The following IFT140 variants were observed in gnomAD, a reference collection of about 807,000 sequenced individuals.
IFT140 encodes the protein intraflagellar transport protein 140 homolog.
IFT140 carries 133 observed loss-of-function variants against 164.6 expected under a neutral mutation model. The observed-to-expected ratio is 0.81, with a 90% CI of 0.70 to 0.93. IFT140 has a LOEUF of 0.93. Among genes scored for constraint, IFT140 ranks in the 40% least tolerant of loss-of-function variants. The pLI is 0.00. For missense variants in IFT140, 2,045 were observed against 1,972.3 expected, an observed-to-expected ratio of 1.04 and a Z score of -0.70; for synonymous variants, 860 against 817.3, an observed-to-expected ratio of 1.05 and a Z score of -0.89.
At chr16:1,544,151 G>A (rs1264967663) in intron 19 of IFT140, among the ~76,000 whole-genome samples, 1 of 150,256 alleles carries the variant, frequency 6.7e-6, no homozygotes, top group Non-Finnish European at 1.5e-5. Flanking sequence ...CCGTGTAGGT[G>A]GGATTGCAGG....
intron 19 of IFT140, among the ~76,000 whole-genome samples, chr16:1,537,852 C>G (rs1193982135): frequency 6.6e-6 from 1 of 152,208 alleles, no homozygotes; most frequent in Non-Finnish European, 1.5e-5. Context: ...GGTGGCTCCA[C>G]GTGGCTCCGT....
At chr16:1,589,375 C>T (rs1567409778) in intron 7 of IFT140, among the ~76,000 whole-genome samples, 1 of 152,328 alleles carries the variant, frequency 6.6e-6, no homozygotes, top group East Asian at 1.9e-4. Flanking sequence ...CCCATCAGGC[C>T]TCACATCCAC....
intron 30 of IFT140, among the ~76,000 whole-genome samples, chr16:1,517,941 G>A (rs931905110): frequency 6.6e-6 from 1 of 152,026 alleles, no homozygotes; most frequent in African/African-American, 2.4e-5. Flanking sequence ...GGGCTCAAGG[G>A]ATCCTCCCAC....
chr16:1,526,089 G>C lies in IFT140; in HGVS notation c.2578-12C>G, dbSNP rs370111842. On this transcript the variant is annotated splice_polypyrimidine_tract_variant and intron_variant, in intron 20 of 30. Coordinates refer to ENST00000426508, the MANE Select transcript of IFT140 (RefSeq NM_014714.4). ...TGCTCGGCGTCCTCCTGAGGAATGA[G>C]GATGGGCAGGTGTCGTGCAGCCTCC... 1.3e-4 allele frequency: 197 copies of C among 1,572,110 alleles called. No individual in the cohort carries two copies. The African/African-American group carries it at 2.3e-3, about 19-fold the overall frequency.
chr16:1,513,926 G>C (rs913339830), intron 30 of IFT140, among the ~76,000 whole-genome samples: 9 of 150,094 alleles, frequency 6.0e-5, no homozygotes, highest in Non-Finnish European at 1.0e-4. Context: ...GCCCGCCTTG[G>C]CCTCCCAAAG....
At chr16:1,521,490 GC>G (rs1230214742) in intron 26 of IFT140, among the ~76,000 whole-genome samples, 1 of 152,084 alleles carries the variant, frequency 6.6e-6, no homozygotes, top group Non-Finnish European at 1.5e-5. Flanking sequence ...CCGGGTTCAA[GC>G]CATTCTCCTG....
intron 8 of IFT140, among the ~76,000 whole-genome samples, chr16:1,587,679 G>A (rs1046486873): frequency 1.3e-5 from 2 of 152,186 alleles, no homozygotes; most frequent in African/African-American, 2.4e-5. Flanking sequence ...AGATTCCACG[G>A]GCAAACACCA....
chr16:1,544,239 C>G (rs886493946), intron 19 of IFT140, among the ~76,000 whole-genome samples: 1 of 148,098 alleles, frequency 6.8e-6, no homozygotes, highest in Non-Finnish European at 1.5e-5. Context: ...GCTGGAGTGC[C>G]GTGGCACAAT....
At chr16:1,581,648 C>T (rs1269493993) in intron 12 of IFT140, among the ~76,000 whole-genome samples, 1 of 149,408 alleles carries the variant, frequency 6.7e-6, no homozygotes, top group Non-Finnish European at 1.5e-5. Context: ...AAAAAATATC[C>T]CAGCACCTGC....
intron 19 of IFT140, chr16:1,557,701 A>G (rs971577295): frequency 7.4e-6 from 4 of 543,166 alleles, no homozygotes; most frequent in Non-Finnish European, 1.3e-5. Flanking sequence ...ACTTTCCACT[A>G]GGAAGCAGCT....
intron 3 of IFT140, among the ~76,000 whole-genome samples, chr16:1,602,884 G>A (rs926388066): frequency 3.3e-5 from 5 of 152,218 alleles, no homozygotes; most frequent in East Asian, 1.9e-4. Flanking sequence ...AGGTTGCAGC[G>A]AGCCCAGATC....
chr16:1,589,758 C>T lies in IFT140; in HGVS notation c.657G>A (p.Glu219=), dbSNP rs757028149. 8.7e-6 allele frequency: 14 copies of T among 1,614,158 alleles called. No individual in the cohort carries two copies. In the East Asian group the frequency reaches 2.9e-4, roughly 33 times the overall value. Residue 219 remains glutamate, a synonymous_variant, in exon 7 of 31, where the codon GAG becomes GAA. Coordinates refer to ENST00000426508, the MANE Select transcript of IFT140 (RefSeq NM_014714.4). ...LMDGTVHYVD[E]KGKTTQVVSA... Reference sequence around the variant, plus strand: ...ACACCACCTGAGTGGTCTTGCCCTTCTCATCCACATAGTGCACTGTCCCTG... The same window carrying T: ...ACACCACCTGAGTGGTCTTGCCCTTTTCATCCACATAGTGCACTGTCCCTG...
intron 4 of IFT140, among the ~76,000 whole-genome samples, chr16:1,597,106 C>T (rs1297864413): frequency 3.3e-5 from 5 of 152,060 alleles, no homozygotes; most frequent in South Asian, 2.1e-4. Context: ...TCCAGCGGCA[C>T]GTCACTGGGA....
chr16:1,586,587 T>C (rs1430408890), intron 9 of IFT140, among the ~76,000 whole-genome samples: 2 of 152,064 alleles, frequency 1.3e-5, no homozygotes, highest in African/African-American at 4.8e-5. Flanking sequence ...TAGTCTCCTG[T>C]GCTCTGGATG....
chr16:1,587,055 C>T, intron 9 of IFT140, 143 bp downstream of exon 9: 1 of 647,234 alleles, frequency 1.5e-6, no homozygotes, highest in Non-Finnish European at 2.7e-6. Context: ...CTTGCTTGCC[C>T]TTGCCCGACT....
intron 3 of IFT140, among the ~76,000 whole-genome samples, chr16:1,603,599 C>T (rs1757373922): frequency 1.3e-5 from 2 of 152,292 alleles, no homozygotes; most frequent in South Asian, 4.1e-4. Context: ...ATTCTCCTGC[C>T]TCAGCCTCCC....
chr16:1,562,011 C>T lies in IFT140; in HGVS notation c.2173G>A (p.Val725Met). ...ATSHSLLGME[V>M]PYYYFTRKPE... is the part of the protein sequence containing the mutation. ...TTTCTTGTGAAGTAGTAATAAGGCA[C>T]TTCCATCCCCAGGAGACTGTGGGAG... is the stretch of plus-strand genomic sequence containing the variant. The change falls in exon 18 of 31, where the codon GTG (valine) becomes ATG (methionine). Residue 725 changes from valine (V) to methionine (M), a missense_variant. Physicochemically the swap from Val to Met is conservative, Grantham distance 21. Transcript: ENST00000426508. 1 of 1,609,828 alleles carries T rather than the reference C, an allele frequency of 6.2e-7. No homozygotes were observed. Among genetic ancestry groups the T allele is most frequent in the South Asian group, 1.1e-5 (1 of 89,866 alleles).
intron 19 of IFT140, among the ~76,000 whole-genome samples, chr16:1,537,336 C>G (rs2031179927): frequency 6.6e-6 from 1 of 152,242 alleles, no homozygotes. Flanking sequence ...GCTCTGTGCC[C>G]TGAGGCCCTG....
intron 19 of IFT140, among the ~76,000 whole-genome samples, chr16:1,546,130 A>C (rs2032151950): frequency 6.6e-6 from 1 of 152,134 alleles, no homozygotes; most frequent in African/African-American, 2.4e-5. Flanking sequence ...ACGGGCAGAG[A>C]GGGAAAGGAG....
Sources: gnomAD v4.1 joint callset for allele counts (sites outside exome capture counted in the v4.1 genomes callset) on GRCh38, gnomAD v4.1.1 for gene constraint, MANE v1.5 for transcripts, NCBI Gene and HGNC (gene_info 2026-07-23, HGNC 2026-07-21) for gene names.